The following PRRC2B variants were observed in gnomAD, a reference collection of about 807,000 sequenced individuals.
The protein encoded by PRRC2B is proline rich coiled-coil 2B.
A neutral mutation model predicts 242.3 loss-of-function variants in PRRC2B; 68 were observed. The observed-to-expected ratio is 0.28, with a 90% CI of 0.23 to 0.34. The LOEUF (loss-of-function observed/expected upper bound fraction) is 0.34, where lower values mean the gene tolerates loss of function less well. Among genes scored for constraint, PRRC2B ranks in the 10% least tolerant of loss-of-function variants. The pLI is 1.00. For missense variants in PRRC2B, 2,835 were observed against 2,954.8 expected, an observed-to-expected ratio of 0.96 and a Z score of 0.94; for synonymous variants, 1,228 against 1,173.6, an observed-to-expected ratio of 1.05 and a Z score of -0.95.
At chr9:131,413,202 T>C (rs1430169165) in intron 1 of PRRC2B, among the ~76,000 whole-genome samples, 2 of 152,250 alleles carry the variant, frequency 1.3e-5, no homozygotes, top group Non-Finnish European at 2.9e-5. Flanking sequence ...AAGGTGTTTT[T>C]ACCTTTCTTA....
chr9:131,420,500 T>TCTTTCTTTCTTTCGTTC (rs1380661357), intron 1 of PRRC2B, among the ~76,000 whole-genome samples: 1 of 96,346 alleles, frequency 1.0e-5, no homozygotes, highest in African/African-American at 4.0e-5. Flanking sequence ...TTTCTTTTTT[T>TCTTTCTTTCTTTCGTTC]TTTTTTTTTT....
intron 23 of PRRC2B, among the ~76,000 whole-genome samples, chr9:131,483,688 G>A (rs750855469): frequency 2.0e-5 from 3 of 152,180 alleles, no homozygotes; most frequent in Non-Finnish European, 4.4e-5. Flanking sequence ...TCTCCTCTGT[G>A]CCAGGTGCGA....
intron 11 of PRRC2B, among the ~76,000 whole-genome samples, chr9:131,460,662 C>A (rs932015772): frequency 3.3e-5 from 5 of 152,128 alleles, no homozygotes; most frequent in Non-Finnish European, 7.4e-5. Flanking sequence ...TTAGTTTACT[C>A]ATTTATTTAC....
At chr9:131,416,413 A>C (rs947047772) in intron 1 of PRRC2B, among the ~76,000 whole-genome samples, 1 of 151,738 alleles carries the variant, frequency 6.6e-6, no homozygotes, top group Non-Finnish European at 1.5e-5. Context: ...GGCCTCTTCT[A>C]CCTCTTCTAA....
intron 1 of PRRC2B, among the ~76,000 whole-genome samples, chr9:131,422,918 A>C (rs1837881956): frequency 6.6e-6 from 1 of 152,102 alleles, no homozygotes; most frequent in Non-Finnish European, 1.5e-5. Context: ...TCATCTGCCT[A>C]ATGGCAATAT....
chr9:131,492,658 C>G (rs1374875871), intron 30 of PRRC2B, among the ~76,000 whole-genome samples: 1 of 152,214 alleles, frequency 6.6e-6, no homozygotes, highest in African/African-American at 2.4e-5. Context: ...TCTCTTTCCT[C>G]AGACTTGCCC....
At chr9:131,454,718 C>T (rs11243399) in intron 9 of PRRC2B, among the ~76,000 whole-genome samples, 2,023 of 152,202 alleles carry the variant, frequency 0.013, 22 homozygotes, top group East Asian at 0.066. Flanking sequence ...TCACTGCAAC[C>T]TCTGCCTCCT....
chr9:131,462,858 G>A (rs1943283683), intron 11 of PRRC2B, among the ~76,000 whole-genome samples: 2 of 64,376 alleles, frequency 3.1e-5, no homozygotes, highest in African/African-American at 4.7e-5. Flanking sequence ...AAAAAAAAAG[G>A]TCTCAGTGCA....
intron 12 of PRRC2B, among the ~76,000 whole-genome samples, 188 bp from the exon 13 acceptor site, chr9:131,467,375 A>T (rs982069795): frequency 2.0e-5 from 3 of 152,114 alleles, no homozygotes; most frequent in Non-Finnish European, 4.4e-5. Context: ...AAGCCTCCTC[A>T]CATGTGTTGT....
At chr9:131,417,973 G>A (rs1198941024) in intron 1 of PRRC2B, among the ~76,000 whole-genome samples, 1 of 152,270 alleles carries the variant, frequency 6.6e-6, no homozygotes, top group Non-Finnish European at 1.5e-5. Flanking sequence ...CAGAGGTAAG[G>A]CTGGTTTTGA....
rs546127852 is a variant in PRRC2B, at chr9:131,495,701, G to C, written c.6556-39G>C. Reference sequence around the variant, plus strand: ...ACTATGTATCCAAACACGTTTCAGCGTCAGGGTCACTTTGTTTTTCCCATT... The same window carrying C: ...ACTATGTATCCAAACACGTTTCAGCCTCAGGGTCACTTTGTTTTTCCCATT... On this transcript the variant is annotated intron_variant, in intron 31 of 31. Coordinates refer to ENST00000683519, the MANE Select transcript of PRRC2B (RefSeq NM_013318.4). 6.3e-6 allele frequency: 10 copies of C among 1,587,330 alleles called. No individual in the cohort carries two copies. The Admixed American group carries it at 8.4e-5, about 13-fold the overall frequency.
Position 131,459,365 on chromosome 9 carries a change from G to A in PRRC2B, c.1404+9G>A. On this transcript the variant is annotated intron_variant, in intron 11 of 31. Transcript: ENST00000683519. ...CAGGCCCTGACTACCAGGTACCAAG[G>A]GCCCTTGGCTGTCCTGTGTATTTGT... 1 of 1,608,624 alleles carries A rather than the reference G, an allele frequency of 6.2e-7. No individual in the cohort carries two copies. Among genetic ancestry groups the A allele is most frequent in the South Asian group, 1.1e-5 (1 of 90,646 alleles).
At chr9:131,473,387 G>T in intron 14 of PRRC2B, 121 bp from the exon 15 acceptor site, 1 of 683,850 alleles carries the variant, frequency 1.5e-6, no homozygotes, top group Non-Finnish European at 2.5e-6. Flanking sequence ...TAGGTGGGTG[G>T]GGTGCTGTAT....
Position 131,416,966 on chromosome 9 carries a change from G to A in PRRC2B, c.-51-13128G>A, listed in dbSNP as rs564380205. The stretch of plus-strand genomic sequence containing the variant: ...ACATATTTTTAATCTTTGATCTCTG[G>A]CACTGTCTGTTTCCTCTGTTATTTT... On this transcript the variant is annotated intron_variant, in intron 1 of 31. Transcript: ENST00000683519. Among the ~76,000 whole-genome samples the A allele has an allele frequency of 2.0e-5, 3 of 152,040 alleles. No individual in the cohort carries two copies. In the South Asian group the frequency reaches 6.2e-4, roughly 32 times the overall value.
At chr9:131,485,312 C>T (rs768775953) in intron 25 of PRRC2B, among the ~76,000 whole-genome samples, 172 bp downstream of exon 25, 3 of 152,208 alleles carry the variant, frequency 2.0e-5, no homozygotes, top group Admixed American at 6.5e-5. Context: ...GTAATGTGCA[C>T]GTCCTGCTTC....
At chr9:131,476,824 G>A (rs1209891513) in intron 16 of PRRC2B, among the ~76,000 whole-genome samples, 1 of 151,966 alleles carries the variant, frequency 6.6e-6, no homozygotes, top group East Asian at 1.9e-4. Flanking sequence ...CCGCCGAGGG[G>A]CCGCTGCAGC....
intron 6 of PRRC2B, among the ~76,000 whole-genome samples, chr9:131,445,990 G>T (rs1838788189): frequency 6.6e-6 from 1 of 152,172 alleles, no homozygotes; most frequent in South Asian, 2.1e-4. Flanking sequence ...AAACCACTGT[G>T]CCCGGAACTT....
At chr9:131,379,662 G>GTCACCC (rs1836730734) in intron 1 of PRRC2B, among the ~76,000 whole-genome samples, 1 of 134,170 alleles carries the variant, frequency 7.5e-6, no homozygotes, top group Non-Finnish European at 1.5e-5. Flanking sequence ...GTCTCACTCT[G>GTCACCC]TCACCCAGGC....
chr9:131,404,093 T>G (rs911967820), intron 1 of PRRC2B, among the ~76,000 whole-genome samples: 1 of 152,138 alleles, frequency 6.6e-6, no homozygotes, highest in Non-Finnish European at 1.5e-5. Context: ...TTTTCCATAT[T>G]CATGTGAACA....
Sources: gnomAD v4.1 joint callset for allele counts (sites outside exome capture counted in the v4.1 genomes callset) on GRCh38, gnomAD v4.1.1 for gene constraint, MANE v1.5 for transcripts, NCBI Gene and HGNC (gene_info 2026-07-23, HGNC 2026-07-21) for gene names.